Variants in CREB3L2 observed in about 807,000 individuals in gnomAD.
The protein encoded by CREB3L2 is cyclic AMP-responsive element-binding protein 3-like protein 2.
A neutral mutation model predicts 57.2 loss-of-function variants in CREB3L2; 23 were observed. That is an observed-to-expected ratio of 0.40 (90% CI 0.29 to 0.57). CREB3L2 has a LOEUF of 0.57. Among genes scored for constraint, CREB3L2 ranks in the 20% least tolerant of loss-of-function variants. The pLI is 0.42. For missense variants in CREB3L2, 628 were observed against 634.7 expected (o/e 0.99, Z 0.11); for synonymous variants, 268 against 265.1 (o/e 1.01, Z -0.11).
At chr7:137,926,776 C>G (rs1304928950) in intron 2 of CREB3L2, among the ~76,000 whole-genome samples, 4 of 152,092 alleles carry the variant, frequency 2.6e-5, no homozygotes, top group African/African-American at 9.7e-5. Context: ...ATATGCTGGA[C>G]TGGGAATAGG....
intron 1 of CREB3L2, among the ~76,000 whole-genome samples, chr7:137,961,216 A>C (rs1055984307): frequency 2.7e-5 from 4 of 150,234 alleles, no homozygotes; most frequent in African/African-American, 9.8e-5. Context: ...GGTGGGGGAC[A>C]TGAGAACATT....
chr7:137,903,088 TAA>T (rs1192113709), intron 7 of CREB3L2, among the ~76,000 whole-genome samples: 1 of 152,182 alleles, frequency 6.6e-6, no homozygotes, highest in Admixed American at 6.5e-5. Flanking sequence ...ACGGGGATTA[TAA>T]GAGTGAGCCA....
chr7:137,995,266 C>T (rs936439482), intron 1 of CREB3L2, among the ~76,000 whole-genome samples: 1 of 151,870 alleles, frequency 6.6e-6, no homozygotes, highest in Non-Finnish European at 1.5e-5. Flanking sequence ...TGGGCAGAAC[C>T]AAGGTCCATT....
chr7:137,890,132 A>G (rs1180847080), intron 8 of CREB3L2, among the ~76,000 whole-genome samples: 1 of 152,218 alleles, frequency 6.6e-6, no homozygotes, highest in African/African-American at 2.4e-5. Context: ...ATTAAAAGAG[A>G]CTAAGCCATA....
chr7:137,949,896 C>T (rs1004664078), intron 1 of CREB3L2, among the ~76,000 whole-genome samples: 1 of 152,190 alleles, frequency 6.6e-6, no homozygotes, highest in African/African-American at 2.4e-5. Flanking sequence ...GTCAAGATGA[C>T]TCACTGATTT....
At chr7:137,938,834 T>C (rs1800836438) in intron 1 of CREB3L2, among the ~76,000 whole-genome samples, 1 of 152,208 alleles carries the variant, frequency 6.6e-6, no homozygotes, top group African/African-American at 2.4e-5. Context: ...CTATAGCAGT[T>C]ATTAGAATTT....
At chr7:137,963,332 G>C (rs193053743) in intron 1 of CREB3L2, among the ~76,000 whole-genome samples, 1 of 152,262 alleles carries the variant, frequency 6.6e-6, no homozygotes, top group Admixed American at 6.5e-5. Flanking sequence ...TTAATAACCA[G>C]CTCCACCAGT....
chr7:137,910,767 G>T (rs1211718231), intron 4 of CREB3L2, among the ~76,000 whole-genome samples: 2 of 152,148 alleles, frequency 1.3e-5, no homozygotes, highest in Non-Finnish European at 2.9e-5. Context: ...AGCAAGTGAA[G>T]CAAGTAAAAT....
intron 1 of CREB3L2, among the ~76,000 whole-genome samples, chr7:137,957,004 C>T (rs924060466): frequency 6.6e-6 from 1 of 152,012 alleles, no homozygotes; most frequent in African/African-American, 2.4e-5. Context: ...ATGCCCCCCA[C>T]CCCCCAGTGT....
Position 137,876,172 on chromosome 7 carries a change from T to C in CREB3L2, c.*4304A>G, listed in dbSNP as rs1022478024. ...GTGGCTCACTTTTAGGAAACCACTT[T>C]TGAGCCTTCAGAAAAAAATTTTTCC... On this transcript the variant is annotated 3_prime_UTR_variant, in exon 12 of 12. Coordinates refer to ENST00000330387, the MANE Select transcript of CREB3L2 (RefSeq NM_194071.4). The C allele has an allele frequency of 1.7e-5, 4 of 232,848 alleles. No homozygotes were observed. The highest frequency in any genetic ancestry group is 2.6e-5 in the Non-Finnish European group (3 of 117,602). 14.4% of individuals were successfully genotyped at this position (232,848 alleles called of 1,614,324 possible).
intron 1 of CREB3L2, among the ~76,000 whole-genome samples, chr7:137,956,139 A>C (rs1262223447): frequency 6.6e-6 from 1 of 152,246 alleles, no homozygotes; most frequent in Non-Finnish European, 1.5e-5. Flanking sequence ...GGAATGTAAG[A>C]CTTTGAATCA....
chr7:137,911,246 A>G (rs943513843), intron 4 of CREB3L2, among the ~76,000 whole-genome samples: 7 of 152,364 alleles, frequency 4.6e-5, no homozygotes, highest in Middle Eastern at 3.4e-3. Context: ...TACTAAGTAA[A>G]TAAGTATTAT....
intron 1 of CREB3L2, among the ~76,000 whole-genome samples, chr7:137,940,195 C>G (rs186730704): frequency 3.3e-5 from 5 of 152,316 alleles, no homozygotes; most frequent in Admixed American, 3.3e-4. Context: ...CTTCCACTCT[C>G]TTAAACAGAA....
At chr7:137,956,279 T>C (rs769799184) in intron 1 of CREB3L2, among the ~76,000 whole-genome samples, 1 of 152,238 alleles carries the variant, frequency 6.6e-6, no homozygotes, top group Non-Finnish European at 1.5e-5. Context: ...TTCAATCTAA[T>C]TGAACATTTT....
intron 1 of CREB3L2, chr7:137,956,630 G>A: frequency 7.8e-7 from 1 of 1,289,060 alleles, no homozygotes; most frequent in Admixed American, 2.3e-5. Context: ...TATTTCTCGA[G>A]AAGCCAGCAG....
At chr7:137,969,924 C>G (rs1475976424) in intron 1 of CREB3L2, among the ~76,000 whole-genome samples, 1 of 151,892 alleles carries the variant, frequency 6.6e-6, no homozygotes, top group Non-Finnish European at 1.5e-5. Context: ...TGAACTTTTT[C>G]AAAATAAAAA....
At chr7:137,905,607 TG>T in intron 6 of CREB3L2, 94 bp downstream of exon 6, 1 of 1,321,720 alleles carries the variant, frequency 7.6e-7, no homozygotes, top group Non-Finnish European at 1.1e-6. Flanking sequence ...CACCATGGGA[TG>T]GGGTAGTGCT....
chr7:137,913,998 C>A (rs1316292697), intron 3 of CREB3L2, among the ~76,000 whole-genome samples: 1 of 152,084 alleles, frequency 6.6e-6, no homozygotes, highest in Non-Finnish European at 1.5e-5. Context: ...CTGTAAATTA[C>A]ATATAGCCAC....
At chr7:137,957,351 C>A (rs1801236046) in intron 1 of CREB3L2, among the ~76,000 whole-genome samples, 1 of 152,200 alleles carries the variant, frequency 6.6e-6, no homozygotes, top group African/African-American at 2.4e-5. Context: ...CTATTTCTCT[C>A]TCTTCAAAGA....
Sources: allele counts gnomAD v4.1 joint callset (sites outside exome capture counted in the v4.1 genomes callset), GRCh38; gene constraint gnomAD v4.1.1; transcripts MANE v1.5; gene names NCBI Gene and HGNC (gene_info 2026-07-23, HGNC 2026-07-21).